Variants in DHRSX observed in about 807,000 individuals in gnomAD.
DHRSX encodes the protein polyprenol dehydrogenase.
In DHRSX, 31 loss-of-function variants were observed where a neutral mutation model predicts 34.0. That is an observed-to-expected ratio of 0.91 (90% CI 0.69 to 1.23). The LOEUF is 1.23. DHRSX is among the 50% of genes most tolerant of loss of function. The pLI is 0.00. For synonymous variants in DHRSX, 201 were observed against 183.8 expected (o/e 1.09, Z -0.76); for missense variants, 414 against 428.1 (o/e 0.97, Z 0.29).
Position 2,220,997 on chromosome X carries a change from G to A in DHRSX, c.*44C>T, listed in dbSNP as rs2015506799. Reference sequence around the variant, plus strand: ...TCACAGACCCACAAGCTATTGGCAGGTGCAATGTGTTTCTTGGGGCAGCAG... The same window carrying A: ...TCACAGACCCACAAGCTATTGGCAGATGCAATGTGTTTCTTGGGGCAGCAG... On this transcript the variant is annotated 3_prime_UTR_variant, in exon 7 of 7. Coordinates refer to ENST00000334651, the MANE Select transcript of DHRSX (RefSeq NM_145177.3). 6.3e-7 allele frequency: 1 copy of A among 1,588,936 alleles called. No homozygotes were observed. The highest frequency in any genetic ancestry group is 1.1e-5 in the South Asian group (1 of 88,112).
intron 1 of DHRSX, among the ~76,000 whole-genome samples, chrX:2,471,847 T>G (rs68031679): frequency 0.19 from 28,679 of 149,626 alleles, 4,357 homozygotes; most frequent in African/African-American, 0.38. Context: ...TACATACCCA[T>G]GAAAAAGAAT....
At chrX:2,445,033 G>T (rs1370773911) in intron 1 of DHRSX, among the ~76,000 whole-genome samples, 5 of 151,766 alleles carry the variant, frequency 3.3e-5, no homozygotes, top group East Asian at 1.9e-4. Context: ...GGCGGACACC[G>T]GTAATCCCAG....
At chrX:2,489,096 T>C (rs373823098) in intron 1 of DHRSX, 7 of 1,613,584 alleles carry the variant, frequency 4.3e-6, no homozygotes, top group Non-Finnish European at 4.2e-6. Flanking sequence ...TTGATGACGC[T>C]GGCGGGCGGC....
Position 2,484,907 on chromosome X carries a change from C to G in DHRSX, c.109+15910G>C, listed in dbSNP as rs373449396. Reference sequence around the variant, plus strand: ...ACGTCACCACCGAGATTTCGGCACCCCAGAAACAGCCCAACCGGCTCCTTC... The same window carrying G: ...ACGTCACCACCGAGATTTCGGCACCGCAGAAACAGCCCAACCGGCTCCTTC... On this transcript the variant is annotated intron_variant, in intron 1 of 6. Transcript: ENST00000334651. Among the ~76,000 whole-genome samples, 162 of 152,208 alleles carry G rather than the reference C, an allele frequency of 1.1e-3. 1 individual carries two copies. Among genetic ancestry groups the G allele is most frequent in the African/African-American group, 3.7e-3 (155 of 41,516 alleles).
At position 2,367,048 on chromosome X, in the gene DHRSX, T is replaced by G. The variant is rs763081724; in HGVS notation, c.286+41697A>C. On this transcript the variant is annotated intron_variant, in intron 3 of 6. Coordinates refer to ENST00000334651, the MANE Select transcript of DHRSX (RefSeq NM_145177.3). ...CACCAGCCATTCCCCAGGCTTCAGT[T>G]AAGCCATTCCCCATCAGGAAGATAT... is the stretch of plus-strand genomic sequence containing the variant. Among the ~76,000 whole-genome samples the G allele has an allele frequency of 3.3e-5, 5 of 152,240 alleles. No homozygotes were observed. In the South Asian group the frequency reaches 6.2e-4, roughly 19 times the overall value.
At chrX:2,386,805 T>C (rs1311721086) in intron 3 of DHRSX, among the ~76,000 whole-genome samples, 1 of 152,140 alleles carries the variant, frequency 6.6e-6, no homozygotes. Flanking sequence ...GCTTCTTTTG[T>C]GTGTGGAATG....
At chrX:2,263,468 A>T (rs1312063333) in intron 5 of DHRSX, among the ~76,000 whole-genome samples, 1 of 150,740 alleles carries the variant, frequency 6.6e-6, no homozygotes, top group African/African-American at 2.4e-5. Flanking sequence ...TGAGACATAA[A>T]TGTGTGTTAT....
chrX:2,342,370 A>G (rs1438361480), intron 3 of DHRSX, among the ~76,000 whole-genome samples: 2 of 151,980 alleles, frequency 1.3e-5, no homozygotes. Context: ...AGTCACATGT[A>G]TCGGGCCATA....
intron 1 of DHRSX, among the ~76,000 whole-genome samples, chrX:2,479,036 T>C (rs1240793957): frequency 1.3e-5 from 2 of 150,622 alleles, no homozygotes; most frequent in East Asian, 4.0e-4. Context: ...TCCCTAAGCA[T>C]GTAGCCCAAG....
chrX:2,274,577 C>T (rs924292641), intron 4 of DHRSX, among the ~76,000 whole-genome samples: 5 of 149,056 alleles, frequency 3.4e-5, no homozygotes, highest in Admixed American at 2.7e-4. Flanking sequence ...CCACAACACC[C>T]GGCTAAACTT....
At chrX:2,500,494 C>T (rs1464959672) in intron 1 of DHRSX, 1 of 156,160 alleles carries the variant, frequency 6.4e-6, no homozygotes, top group Non-Finnish European at 1.4e-5. Flanking sequence ...CGCGGGGGGG[C>T]GGCTGCACGG....
At chrX:2,298,637 C>T (rs1384590984) in intron 3 of DHRSX, among the ~76,000 whole-genome samples, 3 of 145,882 alleles carry the variant, frequency 2.1e-5, no homozygotes, top group Non-Finnish European at 3.0e-5. Flanking sequence ...CACACACACA[C>T]GAGGTCTTAT....
In DHRSX at chrX:2,477,002, C is replaced by T. The variant is rs189693003; in HGVS notation, c.109+23815G>A. Among the ~76,000 whole-genome samples the T allele has an allele frequency of 5.5e-3, 829 of 151,968 alleles. 7 individuals are homozygous for T. The highest frequency in any genetic ancestry group is 0.018 in the African/African-American group (763 of 41,380). Reference sequence around the variant, plus strand: ...TGGCAACAGTAGCAAAACTCCATCTCGAAAACAAACAAACAAACAAAAAAA... The same window carrying T: ...TGGCAACAGTAGCAAAACTCCATCTTGAAAACAAACAAACAAACAAAAAAA... On this transcript the variant is annotated intron_variant, in intron 1 of 6. Coordinates refer to ENST00000334651, the MANE Select transcript of DHRSX (RefSeq NM_145177.3).
intron 3 of DHRSX, among the ~76,000 whole-genome samples, chrX:2,382,415 G>T (rs922012957): frequency 1.1e-4 from 16 of 151,994 alleles, no homozygotes; most frequent in South Asian, 8.3e-4. Context: ...TTCTTTCACA[G>T]AATCCATGAA....
rs1444548002 is a variant in DHRSX at position 2,219,736 on chromosome X, A to G, written c.*1305T>C. The G allele has an allele frequency of 6.6e-6, 1 of 152,178 alleles. No individual in the cohort carries two copies. Among genetic ancestry groups the G allele is most frequent in the Non-Finnish European group, 1.5e-5 (1 of 68,028 alleles). The allele number at this position is 152,178 out of a possible 1,614,324, so 9.4% of individuals were successfully genotyped here. ...GATTTTGTCACTTAGTGGAATGGAT[A>G]ATAAGCCAACCAATGGTCATCAGTC... On this transcript the variant is annotated 3_prime_UTR_variant, in exon 7 of 7. Coordinates refer to ENST00000334651, the MANE Select transcript of DHRSX (RefSeq NM_145177.3).
intron 1 of DHRSX, chrX:2,490,168 G>C (rs753948973): frequency 2.5e-6 from 4 of 1,613,970 alleles, no homozygotes; most frequent in Non-Finnish European, 3.4e-6. Context: ...GCTCCTTCAG[G>C]ATCACCTCCC....
intron 3 of DHRSX, among the ~76,000 whole-genome samples, chrX:2,324,313 T>A (rs1282532773): frequency 1.3e-5 from 2 of 152,196 alleles, no homozygotes; most frequent in African/African-American, 4.8e-5. Flanking sequence ...GAGTTTATGA[T>A]GAAGCTGCAC....
intron 6 of DHRSX, among the ~76,000 whole-genome samples, chrX:2,240,171 C>T (rs1175375882): frequency 3.3e-5 from 5 of 151,176 alleles, no homozygotes; most frequent in African/African-American, 1.2e-4. Flanking sequence ...CAGGTGCCTG[C>T]AGTCCCAGCT....
chrX:2,467,014 G>A (rs143604640), intron 1 of DHRSX, among the ~76,000 whole-genome samples: 3,541 of 149,202 alleles, frequency 0.024, 95 homozygotes, highest in South Asian at 0.082. Context: ...GCAGTGAGCC[G>A]AGATCGCGCC....
Sources: allele counts gnomAD v4.1 joint callset (sites outside exome capture counted in the v4.1 genomes callset), GRCh38; gene constraint gnomAD v4.1.1; transcripts MANE v1.5; gene names NCBI Gene and HGNC (gene_info 2026-07-23, HGNC 2026-07-21).